HHAT: variants seen among roughly 807,000 people sequenced by gnomAD.
HHAT encodes the protein hedgehog acyltransferase, also known as protein-cysteine N-palmitoyltransferase HHAT.
A neutral mutation model predicts 70.8 loss-of-function variants in HHAT; 47 were observed. The observed-to-expected ratio is 0.66, with a 90% CI of 0.53 to 0.85. The LOEUF (loss-of-function observed/expected upper bound fraction) is 0.85, where lower values mean the gene tolerates loss of function less well. Ranked by LOEUF, HHAT falls within the 40% of genes least tolerant of loss-of-function variation. The probability of loss-of-function intolerance (pLI) is 0.00; values close to 1 mark genes in which losing one functional copy is unlikely to be tolerated. For missense variants in HHAT, 609 were observed against 604.8 expected, an observed-to-expected ratio of 1.01 and a Z score of -0.07; for synonymous variants, 228 against 247.6, an observed-to-expected ratio of 0.92 and a Z score of 0.74.
At chr1:210,523,405 T>C (rs1419759376) in intron 9 of HHAT, among the ~76,000 whole-genome samples, 2 of 152,172 alleles carry the variant, frequency 1.3e-5, no homozygotes, top group East Asian at 1.9e-4. Flanking sequence ...AGCCTTCCTC[T>C]CTCTACCTCG....
At chr1:210,333,273 C>A (rs1353846887) in intron 1 of HHAT, among the ~76,000 whole-genome samples, 2 of 152,072 alleles carry the variant, frequency 1.3e-5, no homozygotes, top group Non-Finnish European at 2.9e-5. Flanking sequence ...TTTGTATTTG[C>A]AGCCACTCCC....
At chr1:210,374,577 G>A (rs1571987786) in intron 3 of HHAT, among the ~76,000 whole-genome samples, 1 of 152,164 alleles carries the variant, frequency 6.6e-6, no homozygotes, top group African/African-American at 2.4e-5. Flanking sequence ...TGCTAGCTGA[G>A]TTCTAAATCC....
intron 8 of HHAT, among the ~76,000 whole-genome samples, chr1:210,485,499 G>C (rs2501885): frequency 2.0e-5 from 3 of 151,834 alleles, no homozygotes; most frequent in Non-Finnish European, 4.4e-5. Context: ...CCTCAGGTCC[G>C]GGGGCTGCTT....
chr1:210,554,064 G>C (rs561200546), intron 9 of HHAT, among the ~76,000 whole-genome samples: 2 of 152,176 alleles, frequency 1.3e-5, no homozygotes, highest in African/African-American at 4.8e-5. Context: ...AAGTGGAACC[G>C]GGGCTGCTAG....
At chr1:210,361,591 C>G (rs532361920) in intron 2 of HHAT, among the ~76,000 whole-genome samples, 1 of 151,942 alleles carries the variant, frequency 6.6e-6, no homozygotes, top group East Asian at 1.9e-4. Context: ...ACTCTGAAAC[C>G]AGCATTATTT....
chr1:210,622,971 A>G (rs79517858), intron 10 of HHAT, among the ~76,000 whole-genome samples: 2,553 of 152,306 alleles, frequency 0.017, 53 homozygotes, highest in African/African-American at 0.058. Flanking sequence ...CTTGTATTCC[A>G]CATGTCAGAG....
intron 9 of HHAT, among the ~76,000 whole-genome samples, chr1:210,576,518 G>C (rs1454496502): frequency 1.5e-5 from 2 of 135,556 alleles, no homozygotes; most frequent in African/African-American, 5.4e-5. Flanking sequence ...GACTGTTGTG[G>C]GGTCGGGGGA....
At chr1:210,421,317 C>T (rs997726886) in intron 7 of HHAT, among the ~76,000 whole-genome samples, 1 of 152,140 alleles carries the variant, frequency 6.6e-6, no homozygotes, top group East Asian at 1.9e-4. Flanking sequence ...ATAGAGAACC[C>T]AGAAATTCAC....
intron 1 of HHAT, among the ~76,000 whole-genome samples, chr1:210,344,613 G>T (rs1310322412): frequency 6.6e-6 from 1 of 152,084 alleles, no homozygotes; most frequent in Non-Finnish European, 1.5e-5. Flanking sequence ...CCCAAATTTG[G>T]AATTCAAATT....
chr1:210,637,211 T>C (rs1235470491), intron 11 of HHAT, among the ~76,000 whole-genome samples: 1 of 152,184 alleles, frequency 6.6e-6, no homozygotes, highest in African/African-American at 2.4e-5. Context: ...TTGGTGGATA[T>C]GTACATGCAA....
intron 4 of HHAT, among the ~76,000 whole-genome samples, chr1:210,398,573 G>A (rs1263471734): frequency 6.6e-6 from 1 of 152,170 alleles, no homozygotes; most frequent in Non-Finnish European, 1.5e-5. Context: ...TTTCCAAGTT[G>A]AAGCAGCTTC....
intron 1 of HHAT, among the ~76,000 whole-genome samples, chr1:210,334,764 G>C (rs1247265377): frequency 6.6e-6 from 1 of 151,202 alleles, no homozygotes; most frequent in Non-Finnish European, 1.5e-5. Context: ...GAAGAAAAAT[G>C]AACTACTATC....
intron 9 of HHAT, among the ~76,000 whole-genome samples, chr1:210,554,794 T>C (rs1219286237): frequency 6.6e-6 from 1 of 152,110 alleles, no homozygotes; most frequent in African/African-American, 2.4e-5. Context: ...AGGAGAGAGA[T>C]GGAGGCACTG....
chr1:210,370,931 G>T (rs868141919), intron 3 of HHAT, among the ~76,000 whole-genome samples: 1 of 151,998 alleles, frequency 6.6e-6, no homozygotes. Flanking sequence ...CTATTTTTAC[G>T]TTAGGCAGAG....
rs115831999 is a variant in HHAT, at chr1:210,533,481, G to T, written c.1043+20293G>T. 4.5e-3 allele frequency among the ~76,000 whole-genome samples: 687 copies of T among 152,324 alleles called. 3 individuals are homozygous for T. Among genetic ancestry groups the T allele is most frequent in the Non-Finnish European group, 7.4e-3 (502 of 68,030 alleles). On this transcript the variant is annotated intron_variant, in intron 9 of 11. Transcript: ENST00000261458. ...TGAGAAAACTGCATCCCCAGATGCT[G>T]CTCTTGGGCTTATGTCTGGAGATGG...
intron 9 of HHAT, among the ~76,000 whole-genome samples, chr1:210,525,659 A>C (rs1351515085): frequency 1.3e-5 from 2 of 152,240 alleles, no homozygotes; most frequent in Non-Finnish European, 2.9e-5. Flanking sequence ...AGAAACTCTC[A>C]ATACTTGAGA....
At chr1:210,594,489 T>C (rs1156685796) in intron 10 of HHAT, among the ~76,000 whole-genome samples, 1 of 152,174 alleles carries the variant, frequency 6.6e-6, no homozygotes, top group African/African-American at 2.4e-5. Context: ...TTTGTTGTTT[T>C]TGTTTATGTC....
chr1:210,453,837 G>A (rs2093805285), intron 7 of HHAT, among the ~76,000 whole-genome samples: 1 of 152,078 alleles, frequency 6.6e-6, no homozygotes, highest in African/African-American at 2.4e-5. Context: ...CTTCTTTTAG[G>A]CAAAGTGAGT....
intron 1 of HHAT, among the ~76,000 whole-genome samples, chr1:210,336,287 A>ATTTTTTTTTGTTTTTTTTTTTT: frequency 1.2e-5 from 1 of 84,626 alleles, no homozygotes; most frequent in Non-Finnish European, 2.4e-5. Flanking sequence ...TGCCTGGCTA[A>ATTTTTTTTTGTTTTTTTTTTTT]TTTTTTTTTT....
Sources: gnomAD v4.1 joint callset for allele counts (sites outside exome capture counted in the v4.1 genomes callset) on GRCh38, gnomAD v4.1.1 for gene constraint, MANE v1.5 for transcripts, NCBI Gene and HGNC (gene_info 2026-07-23, HGNC 2026-07-21) for gene names.